The following RASAL2 variants were observed in gnomAD, a reference collection of about 807,000 sequenced individuals.
The protein encoded by RASAL2 is RAS protein activator like 2.
RASAL2 carries 58 observed loss-of-function variants against 128.9 expected under a neutral mutation model. The ratio of observed to expected loss-of-function variants is 0.45; its 90% CI spans 0.36 to 0.56. The LOEUF is 0.56. RASAL2 is among the 20% of genes least tolerant of loss of function. The pLI is 0.00. For synonymous variants in RASAL2, 561 were observed against 580.8 expected, an observed-to-expected ratio of 0.97 and a Z score of 0.49; for missense variants, 1,360 against 1,601.6, an observed-to-expected ratio of 0.85 and a Z score of 2.57.
At chr1:178,105,047 A>G (rs186594814) in intron 1 of RASAL2, among the ~76,000 whole-genome samples, 1 of 152,336 alleles carries the variant, frequency 6.6e-6, no homozygotes. Context: ...ATTTGAATAT[A>G]GTTTCATTTA....
intron 3 of RASAL2, among the ~76,000 whole-genome samples, chr1:178,333,043 T>G (rs1669411671): frequency 6.6e-6 from 1 of 152,006 alleles, no homozygotes; most frequent in African/African-American, 2.4e-5. Flanking sequence ...ATTAATTTTT[T>G]TTTGAGACGG....
In RASAL2 at chr1:178,341,564, G is replaced by C. The variant is rs1372975623; in HGVS notation, c.457+41446G>C. The C allele has an allele frequency of 3.7e-6, 6 of 1,613,750 alleles. No homozygotes were observed. The Admixed American group carries it at 1.0e-4, about 27-fold the overall frequency. ...GAGTTTCTGACTGGCGTGCCGGAAA[G>C]ATCATGTTAGCACACCCAGAAACTT... On this transcript the variant is annotated intron_variant, in intron 3 of 17. Coordinates refer to ENST00000367649, the MANE Select transcript of RASAL2 (RefSeq NM_170692.4).
chr1:178,220,736 T>G (rs1221297790), intron 1 of RASAL2, among the ~76,000 whole-genome samples: 1 of 152,256 alleles, frequency 6.6e-6, no homozygotes, highest in Non-Finnish European at 1.5e-5. Context: ...TCCATGTCTT[T>G]TCATAGCTTG....
At chr1:178,194,458 C>T (rs1245737310) in intron 1 of RASAL2, 2 of 207,716 alleles carry the variant, frequency 9.6e-6, no homozygotes, top group Admixed American at 4.3e-5. Context: ...CCTCACTTGC[C>T]TCTGGAAGTA....
intron 1 of RASAL2, among the ~76,000 whole-genome samples, chr1:178,169,924 G>A (rs1198905857): frequency 6.6e-6 from 1 of 151,910 alleles, no homozygotes; most frequent in Admixed American, 6.6e-5. Context: ...TACACATCAT[G>A]GAAGAATGGG....
At chr1:178,294,213 G>C (rs1328406591) in intron 2 of RASAL2, among the ~76,000 whole-genome samples, 1 of 152,120 alleles carries the variant, frequency 6.6e-6, no homozygotes, top group Non-Finnish European at 1.5e-5. Flanking sequence ...TTTCTTTGTA[G>C]AAAGGCTTAT....
intron 4 of RASAL2, among the ~76,000 whole-genome samples, chr1:178,405,699 G>C (rs1262100758): frequency 6.6e-6 from 1 of 152,214 alleles, no homozygotes; most frequent in Non-Finnish European, 1.5e-5. Flanking sequence ...GATGAGACCT[G>C]TGTTGGACTT....
intron 5 of RASAL2, among the ~76,000 whole-genome samples, chr1:178,433,560 A>G (rs1316870441): frequency 6.6e-6 from 1 of 150,924 alleles, no homozygotes; most frequent in African/African-American, 2.5e-5. Flanking sequence ...ATATTCATTT[A>G]TTCAACCAAA....
Position 178,467,321 on chromosome 1 carries a change from T to A in RASAL2, c.3591-13T>A, listed in dbSNP as rs1181015376. 6.2e-7 allele frequency: 1 copy of A among 1,610,886 alleles called. No homozygotes were observed. The highest frequency in any genetic ancestry group is 1.3e-5 in the African/African-American group (1 of 74,986). On this transcript the variant is annotated splice_polypyrimidine_tract_variant and intron_variant, in intron 16 of 17. Transcript: ENST00000367649. ...TTTGAAGATGTTGATATTTCCTTCC[T>A]GCCACATTCTAGGCTAATGGCTGTG...
intron 1 of RASAL2, among the ~76,000 whole-genome samples, chr1:178,167,524 A>G (rs963803455): frequency 1.3e-5 from 2 of 152,074 alleles, no homozygotes; most frequent in African/African-American, 2.4e-5. Context: ...TTTGGACAAA[A>G]TGGGTATGGG....
intron 14 of RASAL2, among the ~76,000 whole-genome samples, chr1:178,460,893 A>C (rs1391430307): frequency 6.6e-6 from 1 of 151,910 alleles, no homozygotes; most frequent in Non-Finnish European, 1.5e-5. Context: ...GGCTCACTGT[A>C]ACTTCCGCCT....
intron 5 of RASAL2, among the ~76,000 whole-genome samples, chr1:178,432,638 T>G (rs1362465388): frequency 1.3e-5 from 2 of 152,164 alleles, no homozygotes; most frequent in East Asian, 3.9e-4. Context: ...TTCCTATCCC[T>G]GTGAAGGACA....
At chr1:178,116,659 G>GA (rs1195760398) in intron 1 of RASAL2, among the ~76,000 whole-genome samples, 3 of 151,864 alleles carry the variant, frequency 2.0e-5, no homozygotes, top group African/African-American at 7.3e-5. Flanking sequence ...GCCCAGGCTT[G>GA]AGTGCAGTGG....
chr1:178,299,942 G>A (rs760795936), intron 2 of RASAL2, 50 bp from the exon 3 acceptor site: 9 of 1,590,310 alleles, frequency 5.7e-6, no homozygotes, highest in Non-Finnish European at 7.7e-6. Flanking sequence ...TCAGAACGTA[G>A]TTATGGTGAG....
intron 3 of RASAL2, among the ~76,000 whole-genome samples, chr1:178,364,570 G>A (rs1219132924): frequency 6.6e-6 from 1 of 152,190 alleles, no homozygotes; most frequent in Non-Finnish European, 1.5e-5. Context: ...GTTGCTACAA[G>A]TATTCAAATT....
At chr1:178,423,425 A>T (rs924208128) in intron 5 of RASAL2, among the ~76,000 whole-genome samples, 3 of 152,140 alleles carry the variant, frequency 2.0e-5, no homozygotes, top group Admixed American at 6.6e-5. Flanking sequence ...CCATTTTATC[A>T]ATATGTTGAA....
At chr1:178,385,270 T>C (rs890643794) in intron 3 of RASAL2, among the ~76,000 whole-genome samples, 3 of 152,070 alleles carry the variant, frequency 2.0e-5, no homozygotes, top group Admixed American at 1.3e-4. Context: ...CTGGGTAAGA[T>C]GGTGAAATAC....
rs1410514049 is a variant in RASAL2, at chr1:178,477,055, G to C, written c.*3816G>C. 2 of 152,674 alleles carry C rather than the reference G, an allele frequency of 1.3e-5. No homozygotes were observed. Among genetic ancestry groups the C allele is most frequent in the African/African-American group, 4.8e-5 (2 of 41,420 alleles). 9.5% of individuals were successfully genotyped at this position (152,674 alleles called of 1,614,324 possible). ...AGCCCAACACACACGCTTGACACCA[G>C]ACTAGACTTGTCACAGGGCCAAACC... On this transcript the variant is annotated 3_prime_UTR_variant, in exon 18 of 18. Coordinates refer to ENST00000367649, the MANE Select transcript of RASAL2 (RefSeq NM_170692.4).
intron 3 of RASAL2, among the ~76,000 whole-genome samples, chr1:178,387,731 C>T (rs917602408): frequency 6.6e-6 from 1 of 151,940 alleles, no homozygotes; most frequent in African/African-American, 2.4e-5. Flanking sequence ...TGCATAGTAT[C>T]CCATGGTGTA....
Sources: gnomAD v4.1 joint callset for allele counts (sites outside exome capture counted in the v4.1 genomes callset) on GRCh38, gnomAD v4.1.1 for gene constraint, MANE v1.5 for transcripts, NCBI Gene and HGNC (gene_info 2026-07-23, HGNC 2026-07-21) for gene names.